NSUN6: variants seen among roughly 807,000 people sequenced by gnomAD.
NSUN6 encodes the protein NOP2/Sun RNA methyltransferase 6.
A neutral mutation model predicts 58.0 loss-of-function variants in NSUN6; 64 were observed. That is an observed-to-expected ratio of 1.10 (90% confidence interval 0.90 to 1.36). The LOEUF is 1.36. Ranked by LOEUF, NSUN6 falls within the 40% of genes most tolerant of loss-of-function variation. The probability of loss-of-function intolerance (pLI) is 0.00; values close to 1 mark genes in which losing one functional copy is unlikely to be tolerated. For synonymous variants in NSUN6, 231 were observed against 193.9 expected (o/e 1.19, Z -1.59); for missense variants, 701 against 550.1 (o/e 1.27, Z -2.74).
Position 18,548,124 on chromosome 10 carries a change from C to G in NSUN6, c.1185G>C (p.Gln395His), listed in dbSNP as rs2054393323. 1.2e-6 allele frequency: 2 copies of G among 1,613,732 alleles called. No individual in the cohort carries two copies. Among genetic ancestry groups the G allele is most frequent in the Admixed American group, 1.7e-5 (1 of 59,950 alleles). ...AAATTACTCCTACCTGGGGCTGAAG[C>G]TGAAGGCAAGGAAATTTTGTCAGGG... is the stretch of plus-strand genomic sequence containing the variant. ...AWALTKFPCL[Q>H]LQPQEPQIGG... Residue 395 changes from glutamine to histidine, a missense_variant, in exon 10 of 11, where the codon CAG (glutamine) becomes CAC (histidine). Coordinates refer to ENST00000377304, the MANE Select transcript of NSUN6 (RefSeq NM_182543.5).
In NSUN6 at chr10:18,596,252, G is replaced by A. The variant is rs1489187171; in HGVS notation, c.733C>T (p.Pro245Ser). The A allele has an allele frequency of 1.2e-6, 2 of 1,609,940 alleles. No individual in the cohort carries two copies. Among genetic ancestry groups the A allele is most frequent in the Non-Finnish European group, 1.7e-6 (2 of 1,176,232 alleles). The change falls in exon 7 of 11, where the codon CCT becomes TCT. Residue 245 changes from proline (P) to serine (S), a missense_variant. Transcript: ENST00000377304. ...GEKILDLCAA[P>S]GGKTTHIAAL... ...GCAATGTGTGTTGTTTTCCCTCCAG[G>A]TGCTGCACACAAGTCTAGAATCTTC...
At chr10:18,560,165 G>T (rs1218356650) in intron 8 of NSUN6, among the ~76,000 whole-genome samples, 5 of 150,944 alleles carry the variant, frequency 3.3e-5, no homozygotes, top group African/African-American at 1.2e-4. Flanking sequence ...AATGGGGAAT[G>T]GAATGGAATG....
Position 18,559,882 on chromosome 10 carries a change from T to C in NSUN6, c.923-7911A>G, listed in dbSNP as rs114505176. ...GTGGGGATTTGAATGCGGAATGGAA[T>C]GCAATGGAAAGGGGAATGGAATGGA... On this transcript the variant is annotated intron_variant, in intron 8 of 10. Transcript: ENST00000377304. Among the ~76,000 whole-genome samples the C allele has an allele frequency of 2.9e-3, 418 of 145,726 alleles. 2 individuals carry two copies. Among genetic ancestry groups the C allele is most frequent in the African/African-American group, 0.01 (399 of 39,224 alleles).
intron 3 of NSUN6, among the ~76,000 whole-genome samples, chr10:18,627,545 T>G (rs923913798): frequency 6.6e-6 from 1 of 152,152 alleles, no homozygotes; most frequent in Non-Finnish European, 1.5e-5. Flanking sequence ...CGCAGGTCAG[T>G]GGGTGCGCGC....
chr10:18,651,381 G>T lies in NSUN6; in HGVS notation c.-178C>A. 7.6e-7 allele frequency: 1 copy of T among 1,308,190 alleles called. No individual in the cohort carries two copies. The highest frequency in any genetic ancestry group is 9.7e-7 in the Non-Finnish European group (1 of 1,032,246). The allele number at this position is 1,308,190 out of a possible 1,614,324, so 81.0% of individuals were successfully genotyped here. ...GGTACACGCTTTCTCAAGCCTAGCC[G>T]ATTAGAAGGGGCTGCCGGGCTTCCA... On this transcript the variant is annotated 5_prime_UTR_variant, in exon 1 of 11. Coordinates refer to ENST00000377304, the MANE Select transcript of NSUN6 (RefSeq NM_182543.5).
chr10:18,586,140 T>C lies in NSUN6; in HGVS notation c.778-47A>G, dbSNP rs117876478. ...ACATGCAGAAAAAAAAAAAGAAAAT[T>C]ATAAATCCAAAGCAGTCATAAAAAT... On this transcript the variant is annotated intron_variant, in intron 7 of 10. Coordinates refer to ENST00000377304, the MANE Select transcript of NSUN6 (RefSeq NM_182543.5). 8.7e-4 allele frequency: 1,230 copies of C among 1,417,776 alleles called. 8 individuals are homozygous for C. The Admixed American group carries it at 0.013, about 15-fold the overall frequency. The allele number at this position is 1,417,776 out of a possible 1,614,324, so 87.8% of individuals were successfully genotyped here.
intron 5 of NSUN6, among the ~76,000 whole-genome samples, chr10:18,613,790 T>C (rs2058318378): frequency 1.3e-5 from 2 of 152,164 alleles, no homozygotes; most frequent in South Asian, 4.1e-4. Context: ...ATTAGGGATA[T>C]CGTCCAATTC....
chr10:18,575,936 G>A (rs1223730788), intron 8 of NSUN6, among the ~76,000 whole-genome samples: 1 of 152,092 alleles, frequency 6.6e-6, no homozygotes. Flanking sequence ...GATCAGCCTG[G>A]GGATCACATC....
intron 8 of NSUN6, among the ~76,000 whole-genome samples, chr10:18,574,152 ATG>A (rs1302555727): frequency 6.6e-6 from 1 of 152,110 alleles, no homozygotes; most frequent in African/African-American, 2.4e-5. Context: ...TTCCTATCAA[ATG>A]TCTTAGACCC....
rs2059697799 is a variant in NSUN6 at position 18,651,264 on chromosome 10, T to TC, written c.-62_-61insG. The TC allele has an allele frequency of 4.0e-6, 6 of 1,507,026 alleles. No individual in the cohort carries two copies. In the East Asian group the frequency reaches 1.2e-4, roughly 30 times the overall value. The allele number at this position is 1,507,026 out of a possible 1,614,324, so 93.4% of individuals were successfully genotyped here. On this transcript the variant is annotated 5_prime_UTR_variant, in exon 1 of 11. Coordinates refer to ENST00000377304, the MANE Select transcript of NSUN6 (RefSeq NM_182543.5). ...CTGGAAAACGGTGTTTTGTTTTTTT[T>TC]TTTCTTTCCGAATTAATAGTGACGA...
At chr10:18,626,534 G>A (rs993528915) in intron 3 of NSUN6, among the ~76,000 whole-genome samples, 1 of 152,232 alleles carries the variant, frequency 6.6e-6, no homozygotes, top group African/African-American at 2.4e-5. Flanking sequence ...TTAGGAGGCT[G>A]AGGCAGGCAG....
At chr10:18,613,939 G>T (rs779190101) in intron 5 of NSUN6, among the ~76,000 whole-genome samples, 4 of 152,180 alleles carry the variant, frequency 2.6e-5, no homozygotes, top group Middle Eastern at 3.4e-3. Flanking sequence ...TTTATTTAGG[G>T]CCACTAGCAA....
intron 6 of NSUN6, 132 bp from the exon 7 acceptor site, chr10:18,596,459 A>G: frequency 1.7e-6 from 1 of 580,068 alleles, no homozygotes; most frequent in South Asian, 2.2e-5. Context: ...GACAATTTTT[A>G]TAAATATACT....
intron 3 of NSUN6, among the ~76,000 whole-genome samples, chr10:18,619,729 A>G (rs1167009865): frequency 1.3e-5 from 2 of 152,222 alleles, no homozygotes; most frequent in African/African-American, 4.8e-5. Flanking sequence ...TACTTTTCTA[A>G]CTTTTCTCCA....
At chr10:18,653,349 C>T (rs551562186), upstream of NSUN6, 14 of 981,462 alleles carry the variant, frequency 1.4e-5, no homozygotes, top group South Asian at 5.7e-4. Flanking sequence ...TAGTGCCACA[C>T]ACGGACAGAA....
rs2131599741 is a variant in NSUN6, at chr10:18,648,659, C to A, written c.76-14G>T. The A allele has an allele frequency of 1.8e-6, 2 of 1,141,556 alleles. No homozygotes were observed. The highest frequency in any genetic ancestry group is 1.4e-5 in the South Asian group (1 of 69,000). 70.7% of individuals were successfully genotyped at this position (1,141,556 alleles called of 1,614,324 possible). A position where few individuals can be genotyped will look rare whatever the true frequency, so the allele number is the denominator to read the frequency against. ...AGCAGTCACAATCTAAAAAGAAGTT[C>A]ATGTTTAAATTTCCTGAGAATTAAA... On this transcript the variant is annotated splice_polypyrimidine_tract_variant and intron_variant, in intron 1 of 10. Coordinates refer to ENST00000377304, the MANE Select transcript of NSUN6 (RefSeq NM_182543.5).
chr10:18,560,141 G>C (rs1296815404), intron 8 of NSUN6, among the ~76,000 whole-genome samples: 3 of 148,560 alleles, frequency 2.0e-5, no homozygotes, highest in Non-Finnish European at 4.5e-5. Context: ...AATGCAGAAT[G>C]GATAATAGAA....
chr10:18,649,027 T>C (rs1356679259), intron 1 of NSUN6, among the ~76,000 whole-genome samples: 1 of 152,208 alleles, frequency 6.6e-6, no homozygotes, highest in Non-Finnish European at 1.5e-5. Context: ...TCCAAGTTAG[T>C]TGGACGTTAG....
chr10:18,568,663 T>C (rs566925687), intron 8 of NSUN6, among the ~76,000 whole-genome samples: 41 of 151,316 alleles, frequency 2.7e-4, no homozygotes, highest in African/African-American at 9.7e-4. Flanking sequence ...TATTCTCCAT[T>C]CACTTCCATT....
Sources: allele counts gnomAD v4.1 joint callset (sites outside exome capture counted in the v4.1 genomes callset), GRCh38; gene constraint gnomAD v4.1.1; transcripts MANE v1.5; gene names NCBI Gene and HGNC (gene_info 2026-07-23, HGNC 2026-07-21).